The following GPC5 variants were observed in gnomAD, a reference collection of about 807,000 sequenced individuals.
The protein encoded by GPC5 is glypican-5.
GPC5 carries 47 observed loss-of-function variants against 53.9 expected under a neutral mutation model. That is an observed-to-expected ratio of 0.87 (90% CI 0.69 to 1.11). GPC5 has a LOEUF of 1.11. Among genes scored for constraint, GPC5 ranks in the 50% most tolerant of loss-of-function variants. GPC5 has a pLI of 0.00. For missense variants in GPC5, 748 were observed against 713.1 expected (o/e 1.05, Z -0.56); for synonymous variants, 286 against 263.3 (o/e 1.09, Z -0.84).
intron 7 of GPC5, among the ~76,000 whole-genome samples, chr13:92,576,319 G>A (rs537065206): frequency 4.3e-4 from 65 of 152,190 alleles, no homozygotes; most frequent in Non-Finnish European, 9.1e-4. Context: ...TTTGAAGGCA[G>A]ACGGTACCTA....
intron 4 of GPC5, among the ~76,000 whole-genome samples, chr13:91,737,025 A>G (rs1383385541): frequency 6.6e-6 from 1 of 151,318 alleles, no homozygotes; most frequent in Non-Finnish European, 1.5e-5. Flanking sequence ...AATGGCGTGA[A>G]CCTGGGTGGC....
At chr13:91,905,801 A>G (rs2039546785) in intron 5 of GPC5, among the ~76,000 whole-genome samples, 1 of 152,166 alleles carries the variant, frequency 6.6e-6, no homozygotes, top group Admixed American at 6.6e-5. Flanking sequence ...GTTACATTAA[A>G]ATGAGAATAT....
intron 7 of GPC5, among the ~76,000 whole-genome samples, chr13:92,176,183 T>A (rs1213384355): frequency 6.6e-6 from 1 of 152,232 alleles, no homozygotes; most frequent in African/African-American, 2.4e-5. Context: ...AAGTCTAGGA[T>A]GGAGCCGGTG....
chr13:91,913,068 G>C (rs2039624869), intron 6 of GPC5, among the ~76,000 whole-genome samples: 1 of 152,010 alleles, frequency 6.6e-6, no homozygotes, highest in Admixed American at 6.6e-5. Flanking sequence ...GTACTCCAAG[G>C]ACGGCCAAAA....
chr13:92,758,567 T>C (rs1180774779), intron 7 of GPC5, among the ~76,000 whole-genome samples: 3 of 152,130 alleles, frequency 2.0e-5, no homozygotes, highest in Admixed American at 1.3e-4. Flanking sequence ...TGAATTACAA[T>C]TTATCTGAAC....
At chr13:92,633,432 G>T (rs895520601) in intron 7 of GPC5, among the ~76,000 whole-genome samples, 2 of 151,912 alleles carry the variant, frequency 1.3e-5, no homozygotes, top group African/African-American at 4.8e-5. Flanking sequence ...ATTAATTTAA[G>T]AAAAGCTGAG....
At chr13:91,522,867 G>A (rs1016128403) in intron 2 of GPC5, among the ~76,000 whole-genome samples, 1 of 152,146 alleles carries the variant, frequency 6.6e-6, no homozygotes, top group Admixed American at 6.5e-5. Context: ...TGGCTGCATA[G>A]TATTCCATGG....
At chr13:92,224,699 C>T (rs1468812618) in intron 7 of GPC5, among the ~76,000 whole-genome samples, 1 of 152,212 alleles carries the variant, frequency 6.6e-6, no homozygotes, top group Admixed American at 6.5e-5. Flanking sequence ...TCCACAACCA[C>T]AACCTTGACT....
chr13:92,122,623 T>G (rs2041659537), intron 6 of GPC5, among the ~76,000 whole-genome samples: 1 of 126,332 alleles, frequency 7.9e-6, no homozygotes, highest in African/African-American at 2.7e-5. Flanking sequence ...TCACCTTCCA[T>G]TCAGCACAGA....
chr13:91,638,322 T>C (rs994078328), intron 2 of GPC5, among the ~76,000 whole-genome samples: 1 of 152,170 alleles, frequency 6.6e-6, no homozygotes, highest in Non-Finnish European at 1.5e-5. Flanking sequence ...CCAATGCCTT[T>C]TACTACTTTT....
intron 6 of GPC5, among the ~76,000 whole-genome samples, chr13:92,028,411 A>G (rs1201809759): frequency 6.6e-6 from 1 of 152,146 alleles, no homozygotes; most frequent in Non-Finnish European, 1.5e-5. Context: ...TTGTGCTTCT[A>G]TAGGGAAGGA....
chr13:91,891,115 T>G (rs1190742472), intron 5 of GPC5, among the ~76,000 whole-genome samples: 5 of 152,198 alleles, frequency 3.3e-5, no homozygotes, highest in Non-Finnish European at 5.9e-5. Context: ...GAATCTAAAA[T>G]AATTCAGTAT....
rs11390395 is a variant in GPC5 at position 92,494,060 on chromosome 13, T to TGTTTGTTTG, written c.1561+349071_1561+349072insGTTTGTTTG. 5.4e-3 allele frequency among the ~76,000 whole-genome samples: 776 copies of TGTTTGTTTG among 143,894 alleles called. 36 individuals are homozygous for TGTTTGTTTG. In the East Asian group the frequency reaches 0.12, roughly 23 times the overall value. The allele number at this position is 143,894 out of a possible 152,430, so 94.4% of individuals were successfully genotyped here. On this transcript the variant is annotated intron_variant, in intron 7 of 7. Transcript: ENST00000377067. ...ATTAAAAGAATTACTTTGTGTTTTT[T>TGTTTGTTTG]TTTGTTTGTTTGTTTGTTTGTTTTG...
intron 2 of GPC5, among the ~76,000 whole-genome samples, chr13:91,560,125 A>G (rs1363629153): frequency 3.3e-5 from 5 of 152,024 alleles, no homozygotes. Flanking sequence ...TGAAACTTAT[A>G]CTCAGTGGTG....
chr13:92,036,330 A>G (rs2040893012), intron 6 of GPC5, among the ~76,000 whole-genome samples: 2 of 152,190 alleles, frequency 1.3e-5, no homozygotes, highest in Admixed American at 6.5e-5. Flanking sequence ...ATTTTATGGG[A>G]TAGTGTTATA....
At chr13:92,277,288 G>T (rs555878955) in intron 7 of GPC5, among the ~76,000 whole-genome samples, 1 of 151,990 alleles carries the variant, frequency 6.6e-6, no homozygotes, top group South Asian at 2.1e-4. Flanking sequence ...ATTGTGCTGA[G>T]GTTTCTGGGG....
chr13:91,499,188 A>G (rs1294610448), intron 2 of GPC5, among the ~76,000 whole-genome samples: 1 of 152,124 alleles, frequency 6.6e-6, no homozygotes, highest in African/African-American at 2.4e-5. Flanking sequence ...CACCTCAGGT[A>G]ACAGGATGCT....
chr13:91,520,463 T>C (rs1427780083), intron 2 of GPC5, among the ~76,000 whole-genome samples: 3 of 152,158 alleles, frequency 2.0e-5, no homozygotes, highest in Non-Finnish European at 4.4e-5. Context: ...AGACAATCAC[T>C]TGCAGGCCTT....
chr13:91,791,460 G>A (rs1200124590), intron 5 of GPC5, among the ~76,000 whole-genome samples: 3 of 152,162 alleles, frequency 2.0e-5, no homozygotes, highest in Non-Finnish European at 4.4e-5. Flanking sequence ...AAGCCAGCTT[G>A]TAAGGAAGCC....
Sources: allele counts gnomAD v4.1 joint callset (sites outside exome capture counted in the v4.1 genomes callset), GRCh38; gene constraint gnomAD v4.1.1; transcripts MANE v1.5; gene names NCBI Gene and HGNC (gene_info 2026-07-23, HGNC 2026-07-21).